ACSS2: variants seen among roughly 807,000 people sequenced by gnomAD.
ACSS2 encodes the protein acetyl-coenzyme A synthetase, cytoplasmic.
In ACSS2, 58 loss-of-function variants were observed where a neutral mutation model predicts 90.6. That is an observed-to-expected ratio of 0.64 (90% CI 0.52 to 0.80). The LOEUF (loss-of-function observed/expected upper bound fraction) is 0.80, where lower values mean the gene tolerates loss of function less well. Among genes scored for constraint, ACSS2 ranks in the 30% least tolerant of loss-of-function variants. The pLI is 0.00. For missense variants in ACSS2, 759 were observed against 912.0 expected (o/e 0.83, Z 2.16); for synonymous variants, 300 against 330.9 (o/e 0.91, Z 1.01).
At chr20:34,908,964 A>T (rs764941218) in intron 2 of ACSS2, 2 of 442,880 alleles carry the variant, frequency 4.5e-6, no homozygotes, top group South Asian at 3.3e-5. Context: ...TGACATAAAA[A>T]TAAAAATATT....
At chr20:34,926,831 C>G in intron 16 of ACSS2, 46 bp from the exon 17 acceptor site, 1 of 1,604,482 alleles carries the variant, frequency 6.2e-7, no homozygotes, top group South Asian at 1.1e-5. Context: ...TTTGAAAAGT[C>G]TGGCTAAGGG....
intron 7 of ACSS2, among the ~76,000 whole-genome samples, chr20:34,917,379 CT>C (rs1426516947): frequency 6.6e-6 from 1 of 152,192 alleles, no homozygotes; most frequent in African/African-American, 2.4e-5. Flanking sequence ...AGGCAGCTTT[CT>C]CTCTCTTCTT....
At chr20:34,909,852 G>C (rs1488054989) in intron 2 of ACSS2, among the ~76,000 whole-genome samples, 1 of 151,926 alleles carries the variant, frequency 6.6e-6, no homozygotes, top group Non-Finnish European at 1.5e-5. Context: ...AAGTAGCTGG[G>C]ACTACAGGCG....
At chr20:34,875,639 T>C (rs184643533), upstream of ACSS2, among the ~76,000 whole-genome samples, 1 of 152,354 alleles carries the variant, frequency 6.6e-6, no homozygotes, top group East Asian at 1.9e-4. Context: ...TTTGATATTT[T>C]ACAAGCCTTA....
In ACSS2 at chr20:34,913,179, G is replaced by A. The variant is rs763781277; in HGVS notation, c.458G>A (p.Arg153Gln). The A allele has an allele frequency of 6.7e-5, 108 of 1,613,972 alleles. No individual in the cohort carries two copies. The highest frequency in any genetic ancestry group is 1.6e-4 in the Middle Eastern group (1 of 6,084). ...GTGTGTCAGTTCAGCAATGTTCTCC[G>A]AAAACAGGGTGAGTGTGGGGGTGTG... ...VQVCQFSNVL[R>Q]KQGIQKGDRV... The change falls in exon 3 of 18, where the codon CGA (arginine) becomes CAA (glutamine). Residue 153 changes from arginine to glutamine, a missense_variant. Arg to Gln is a conservative substitution (Grantham distance 43). Coordinates refer to ENST00000360596, the MANE Select transcript of ACSS2 (RefSeq NM_018677.4).
intron 2 of ACSS2, among the ~76,000 whole-genome samples, chr20:34,888,247 A>G (rs974663031): frequency 2.1e-4 from 32 of 152,062 alleles, no homozygotes; most frequent in African/African-American, 7.5e-4. Context: ...TTTGCCACTA[A>G]TTAGCTGTCT....
At chr20:34,913,893 T>C (rs756522782) in intron 5 of ACSS2, 68 bp downstream of exon 5, 2 of 1,519,278 alleles carry the variant, frequency 1.3e-6, no homozygotes, top group Non-Finnish European at 1.8e-6. Context: ...AATCAGCTCA[T>C]TGGTATTTGG....
At chr20:34,913,996 C>A in intron 5 of ACSS2, 100 bp from the exon 6 acceptor site, 1 of 1,443,924 alleles carries the variant, frequency 6.9e-7, no homozygotes, top group Non-Finnish European at 9.7e-7. Flanking sequence ...GCTGGAAGAG[C>A]CAGAGTTAAG....
chr20:34,888,987 T>C (rs966549553), intron 2 of ACSS2, among the ~76,000 whole-genome samples: 2 of 148,468 alleles, frequency 1.3e-5, no homozygotes, highest in South Asian at 2.1e-4. Context: ...CATGGTAAAA[T>C]GGGAAACCAC....
At position 34,921,349 on chromosome 20, in the gene ACSS2, C is replaced by G. The variant is rs1310053453; in HGVS notation, c.1297C>G (p.Gln433Glu). The G allele has an allele frequency of 6.2e-7, 1 of 1,614,200 alleles. No homozygotes were observed. Reference protein sequence around the residue: ...PVTKHSRASLQVLGTVGEPIN... With the variant: ...PVTKHSRASLEVLGTVGEPIN... Reference sequence around the variant, plus strand: ...CCCCAGGCATAGCCGGGCATCCTTGCAGGTGTTAGGCACAGTGGGTGAACC... The same window carrying G: ...CCCCAGGCATAGCCGGGCATCCTTGGAGGTGTTAGGCACAGTGGGTGAACC... Residue 433 changes from glutamine (Q) to glutamate (E), a missense_variant, in exon 11 of 18, where the codon CAG becomes GAG. By Grantham distance (29) the Gln-to-Glu change is conservative. Transcript: ENST00000360596.
At chr20:34,926,071 A>G in intron 15 of ACSS2, 34 bp from the exon 16 acceptor site, 1 of 1,609,766 alleles carries the variant, frequency 6.2e-7, no homozygotes. Flanking sequence ...AGAGCCTGGG[A>G]TCTCTCTCAT....
intron 2 of ACSS2, among the ~76,000 whole-genome samples, chr20:34,896,887 G>A (rs1601314502): frequency 6.6e-6 from 1 of 152,164 alleles, no homozygotes; most frequent in East Asian, 1.9e-4. Context: ...ATAAAAATTA[G>A]CCTGTGGTGG....
In ACSS2 at chr20:34,923,401, A is replaced by T. The variant is rs746286796; in HGVS notation, c.1627A>T (p.Lys543Ter). 10 of 1,614,164 alleles carry T rather than the reference A, an allele frequency of 6.2e-6. No individual in the cohort carries two copies. The highest frequency in any genetic ancestry group is 1.7e-5 in the Admixed American group (1 of 60,030). The change falls in exon 14 of 18, where the codon AAG (lysine) becomes TAG (stop). Residue 543 changes from lysine (K) to a stop codon, truncating the protein, a stop_gained. Coordinates refer to ENST00000360596, the MANE Select transcript of ACSS2 (RefSeq NM_018677.4). LOFTEE classifies it high-confidence loss of function. ...HERFETTYFK[K>*]FPGYYVTGDG... The stretch of plus-strand genomic sequence containing the variant: ...ACGCTTTGAGACAACCTACTTTAAG[A>T]AGTTTCCTGGATACTATGTTACAGG...
chr20:34,877,081 G>A (rs1028201029), intron 1 of ACSS2, among the ~76,000 whole-genome samples: 2 of 152,180 alleles, frequency 1.3e-5, no homozygotes, highest in African/African-American at 4.8e-5. Context: ...GCGGGATTCC[G>A]TGAGGGAAGA....
At position 34,882,857 on chromosome 20, in the gene ACSS2, G is replaced by C. The variant is rs57031852; in HGVS notation, c.242G>C (p.Arg81Pro). 6.2e-7 allele frequency: 1 copy of C among 1,613,572 alleles called. No individual in the cohort carries two copies. Among genetic ancestry groups the C allele is most frequent in the South Asian group, 1.1e-5 (1 of 90,882 alleles). Residue 81 changes from arginine to proline, a missense_variant, in exon 2 of 18, where the codon CGG (arginine) becomes CCG (proline). Coordinates refer to ENST00000360596, the MANE Select transcript of ACSS2 (RefSeq NM_018677.4). ...WKTPCPGPFL[R>P]YNFDVTKGKI... Reference sequence around the variant, plus strand: ...ACTCCATGCCCTGGCCCATTCCTTCGGTACAACTTTGATGTGACTAAAGGG... The same window carrying C: ...ACTCCATGCCCTGGCCCATTCCTTCCGTACAACTTTGATGTGACTAAAGGG...
chr20:34,920,415 T>C, intron 8 of ACSS2, 124 bp from the exon 9 acceptor site: 1 of 887,766 alleles, frequency 1.1e-6, no homozygotes, highest in Non-Finnish European at 1.7e-6. Context: ...ATGGATGCTG[T>C]GAAAAGGGTG....
At chr20:34,876,934 G>A (rs1601264076) in intron 1 of ACSS2, 111 bp downstream of exon 1, 1 of 642,536 alleles carries the variant, frequency 1.6e-6, no homozygotes, top group East Asian at 3.5e-5. Flanking sequence ...GGAGATGGAG[G>A]TTCTGTGAAG....
At chr20:34,884,313 A>C (rs528735248) in intron 2 of ACSS2, among the ~76,000 whole-genome samples, 1 of 152,318 alleles carries the variant, frequency 6.6e-6, no homozygotes, top group South Asian at 2.1e-4. Flanking sequence ...TGGGAGAGTT[A>C]AATTGAAACT....
intron 7 of ACSS2, among the ~76,000 whole-genome samples, chr20:34,915,006 A>G (rs41287074): frequency 0.022 from 3,402 of 152,240 alleles, 52 homozygotes; most frequent in Middle Eastern, 0.031. Flanking sequence ...TCTTAGGGCT[A>G]GAGAGGCTGT....
Sources: gnomAD v4.1 joint callset for allele counts (sites outside exome capture counted in the v4.1 genomes callset) on GRCh38, gnomAD v4.1.1 for gene constraint, MANE v1.5 for transcripts, NCBI Gene and HGNC (gene_info 2026-07-23, HGNC 2026-07-21) for gene names.